SYNJ1: variants seen among roughly 807,000 people sequenced by gnomAD.
SYNJ1 encodes the protein synaptojanin 1, also known as polyphosphatidylinositol phosphatase SYNJ1.
SYNJ1 carries 78 observed loss-of-function variants against 168.2 expected under a neutral mutation model. The observed-to-expected ratio is 0.46, with a 90% CI of 0.39 to 0.56. The LOEUF (loss-of-function observed/expected upper bound fraction) is 0.56. SYNJ1 is among the 20% of genes least tolerant of loss of function. The pLI is 0.00. For missense variants in SYNJ1, 1,303 were observed against 1,597.6 expected (o/e 0.82, Z 3.14); for synonymous variants, 539 against 548.6 (o/e 0.98, Z 0.24).
intron 4 of SYNJ1, among the ~76,000 whole-genome samples, chr21:32,696,715 T>C (rs1398399206): frequency 1.3e-5 from 2 of 152,208 alleles, no homozygotes; most frequent in African/African-American, 4.8e-5. Context: ...CTCACAGCAA[T>C]AGCCCCAACT....
At chr21:32,683,933 A>G in intron 10 of SYNJ1, 105 bp downstream of exon 10, 2 of 962,134 alleles carry the variant, frequency 2.1e-6, no homozygotes, top group Non-Finnish European at 3.2e-6. Context: ...AATGAAGCAT[A>G]ACATTACATA....
Position 32,685,815 on chromosome 21 carries a change from G to C in SYNJ1, c.1051C>G (p.Leu351Val), listed in dbSNP as rs1416589801. ...GGKAEKLHSVLKPQVQKFLDY... is the reference protein window; with the variant it reads ...GGKAEKLHSVVKPQVQKFLDY... Reference sequence around the variant, plus strand: ...AGAAACTTCTGGACTTGAGGTTTAAGAACACTATGTAATTTTTCTGCCTTT... The same window carrying C: ...AGAAACTTCTGGACTTGAGGTTTAACAACACTATGTAATTTTTCTGCCTTT... Residue 351 changes from leucine (L) to valine (V), a missense_variant, in exon 9 of 33, where the codon CTT (leucine) becomes GTT (valine). By Grantham distance (32) the Leu-to-Val change is conservative. Around this residue, in one of 2 missense-constraint regions of SYNJ1, gnomAD observed 920 missense variants for 1,208.8 expected, o/e 0.76. Coordinates refer to ENST00000674351, the MANE Select transcript of SYNJ1 (RefSeq NM_203446.3). 2 of 1,613,000 alleles carry C rather than the reference G, an allele frequency of 1.2e-6. No individual in the cohort carries two copies. Among genetic ancestry groups the C allele is most frequent in the Non-Finnish European group, 1.7e-6 (2 of 1,179,598 alleles).
At chr21:32,723,392 C>T (rs141710644) in intron 2 of SYNJ1, among the ~76,000 whole-genome samples, 1 of 152,206 alleles carries the variant, frequency 6.6e-6, no homozygotes, top group African/African-American at 2.4e-5. Context: ...AAAGCCAGGG[C>T]AAGTAGAGAC....
chr21:32,640,459 C>A (rs1449235255), intron 29 of SYNJ1, among the ~76,000 whole-genome samples: 1 of 151,864 alleles, frequency 6.6e-6, no homozygotes, highest in Non-Finnish European at 1.5e-5. Flanking sequence ...CCACACGCGG[C>A]TAATTTTTTG....
chr21:32,651,439 C>G (rs1358855766), intron 22 of SYNJ1, among the ~76,000 whole-genome samples: 1 of 152,220 alleles, frequency 6.6e-6, no homozygotes, highest in East Asian at 1.9e-4. Flanking sequence ...AGTAATTTAG[C>G]ATCCACACTG....
intron 11 of SYNJ1, among the ~76,000 whole-genome samples, chr21:32,680,785 T>G (rs999681672): frequency 6.6e-6 from 1 of 152,080 alleles, no homozygotes; most frequent in Non-Finnish European, 1.5e-5. Flanking sequence ...CCAGCTAGTA[T>G]TTTCTATTTT....
At chr21:32,645,316 G>C (rs2145772005) in intron 25 of SYNJ1, among the ~76,000 whole-genome samples, 1 of 152,126 alleles carries the variant, frequency 6.6e-6, no homozygotes, top group Admixed American at 6.5e-5. Context: ...CCAGAAATGA[G>C]GATTTTGAAA....
At chr21:32,648,265 T>C (rs1470583581) in intron 23 of SYNJ1, among the ~76,000 whole-genome samples, 1 of 152,082 alleles carries the variant, frequency 6.6e-6, no homozygotes, top group Non-Finnish European at 1.5e-5. Context: ...CTAGAGCAAT[T>C]GCCCTCTTCT....
chr21:32,681,916 A>C (rs1417295139), intron 10 of SYNJ1, among the ~76,000 whole-genome samples: 1 of 152,156 alleles, frequency 6.6e-6, no homozygotes, highest in East Asian at 1.9e-4. Flanking sequence ...ATCCCTATAA[A>C]TCAGAGTTGT....
chr21:32,637,036 A>C (rs542684704), intron 31 of SYNJ1, among the ~76,000 whole-genome samples: 1 of 152,304 alleles, frequency 6.6e-6, no homozygotes, highest in Non-Finnish European at 1.5e-5. Flanking sequence ...TGAGAAAATG[A>C]TATGTGTCTT....
intron 15 of SYNJ1, among the ~76,000 whole-genome samples, chr21:32,666,821 G>A (rs972325305): frequency 2.0e-5 from 3 of 152,180 alleles, no homozygotes; most frequent in African/African-American, 7.2e-5. Context: ...CACTGGGTGA[G>A]TAAATTCAAA....
intron 27 of SYNJ1, 27 bp downstream of exon 27, chr21:32,643,383 A>G: frequency 6.2e-7 from 1 of 1,612,598 alleles, no homozygotes; most frequent in Non-Finnish European, 8.5e-7. Flanking sequence ...TGAGAGAACC[A>G]CTTCTATAAT....
At chr21:32,646,130 G>T (rs2040057858) in intron 24 of SYNJ1, 3 of 654,778 alleles carry the variant, frequency 4.6e-6, no homozygotes, top group Non-Finnish European at 8.3e-6. Context: ...TAGTTAACGG[G>T]TTCATACCAT....
At chr21:32,727,906 C>T in intron 1 of SYNJ1, 40 bp downstream of exon 1, 3 of 1,530,862 alleles carry the variant, frequency 2.0e-6, no homozygotes, top group African/African-American at 1.4e-5. Flanking sequence ...GCCCGTGGGT[C>T]TGGCCGCAGC....
At chr21:32,665,658 T>C (rs1758200632) in intron 17 of SYNJ1, among the ~76,000 whole-genome samples, 1 of 152,138 alleles carries the variant, frequency 6.6e-6, no homozygotes, top group African/African-American at 2.4e-5. Flanking sequence ...CTCCCTAAAA[T>C]GTATAAAAGC....
intron 24 of SYNJ1, chr21:32,646,064 T>C (rs956481963): frequency 1.4e-6 from 1 of 718,498 alleles, no homozygotes; most frequent in East Asian, 2.7e-5. Flanking sequence ...GCACAAAGTA[T>C]TGTTTGAGTT....
At chr21:32,703,802 C>A (rs1254337084) in intron 2 of SYNJ1, among the ~76,000 whole-genome samples, 2 of 151,954 alleles carry the variant, frequency 1.3e-5, no homozygotes, top group Non-Finnish European at 2.9e-5. Context: ...CAGCCTTGAC[C>A]TCCAGGGCTC....
intron 2 of SYNJ1, among the ~76,000 whole-genome samples, chr21:32,707,930 C>A (rs1487551884): frequency 6.6e-6 from 1 of 152,082 alleles, no homozygotes; most frequent in Non-Finnish European, 1.5e-5. Flanking sequence ...GGCAGGAGAA[C>A]TGCTTGAGCC....
rs2040000996 is a variant in SYNJ1 at position 32,645,059 on chromosome 21, A to G, written c.3392-53T>C. The G allele has an allele frequency of 1.9e-6, 3 of 1,549,020 alleles. No individual in the cohort carries two copies. In the Admixed American group the frequency reaches 5.8e-5, roughly 30 times the overall value. ...AGAAAGGAAATGACATTAAATACAG[A>G]AGTGAAATGTCAAAGATTGCTATAG... On this transcript the variant is annotated intron_variant, in intron 25 of 32. Coordinates refer to ENST00000674351, the MANE Select transcript of SYNJ1 (RefSeq NM_203446.3).
Sources: gnomAD v4.1 joint callset for allele counts (sites outside exome capture counted in the v4.1 genomes callset) on GRCh38, gnomAD v4.1.1 for gene constraint, gnomAD v4.1.1 regional missense constraint, MANE v1.5 for transcripts, NCBI Gene and HGNC (gene_info 2026-07-23, HGNC 2026-07-21) for gene names.